Variants in WDR1 observed in about 807,000 individuals in gnomAD.
The protein encoded by WDR1 is WD repeat domain 1, also known as WD repeat-containing protein 1.
In WDR1, 21 loss-of-function variants were observed where a neutral mutation model predicts 71.9. The ratio of observed to expected loss-of-function variants is 0.29; its 90% CI spans 0.21 to 0.42. WDR1 has a LOEUF of 0.42. Among genes scored for constraint, WDR1 ranks in the 10% least tolerant of loss-of-function variants. The pLI, the probability that WDR1 is intolerant of heterozygous loss-of-function variation, is 1.00. For missense variants in WDR1, 696 were observed against 824.5 expected (o/e 0.84, Z 1.91); for synonymous variants, 424 against 347.4 (o/e 1.22, Z -2.45).
intron 6 of WDR1, 52 bp downstream of exon 6, chr4:10,088,612 G>A (rs558535212): frequency 2.8e-5 from 41 of 1,471,082 alleles, no homozygotes; most frequent in Non-Finnish European, 3.5e-5. Flanking sequence ...GAGCAGTCAC[G>A]GGAGCAGGCA....
In WDR1 at chr4:10,116,101, G is replaced by A. The variant is rs997081535; in HGVS notation, c.138+12C>T. 12 of 1,611,090 alleles carry A rather than the reference G, an allele frequency of 7.4e-6. No homozygotes were observed. Among genetic ancestry groups the A allele is most frequent in the Non-Finnish European group, 8.5e-6 (10 of 1,178,454 alleles). ...CCGGAGCAGAACCGCGCCCGGGGTAGGGGGTACTCACGTCGATGTTCCTTA... is the reference window on the plus strand; with the variant it reads ...CCGGAGCAGAACCGCGCCCGGGGTAAGGGGTACTCACGTCGATGTTCCTTA... On this transcript the variant is annotated intron_variant, in intron 2 of 14. Transcript: ENST00000499869.
At chr4:10,078,236 C>CA (rs1229740767) in intron 12 of WDR1, among the ~76,000 whole-genome samples, 1 of 152,206 alleles carries the variant, frequency 6.6e-6, no homozygotes, top group Non-Finnish European at 1.5e-5. Context: ...CACATAGACC[C>CA]ACCCAGCCCC....
At position 10,097,682 on chromosome 4, in the gene WDR1, A is replaced by G. The variant is rs768090880; in HGVS notation, c.558+29T>C. On this transcript the variant is annotated intron_variant, in intron 5 of 14. Transcript: ENST00000499869. ...CTGCTAGCCTCATGTACAAACCACA[A>G]ATTTCACCCAAAAAGTAAGTTCACT... The G allele has an allele frequency of 3.8e-6, 6 of 1,596,284 alleles. No homozygotes were observed. The Admixed American group carries it at 5.1e-5, about 14-fold the overall frequency.
In WDR1 at chr4:10,077,364, T is replaced by C. The variant is rs1560526097; in HGVS notation, c.1654A>G (p.Met552Val). The C allele has an allele frequency of 6.2e-7, 1 of 1,614,000 alleles. No individual in the cohort carries two copies. The part of the protein sequence containing the change: ...PDNEHFASGG[M>V]DMMVYVWTLS... ...GTCCAAACATACACCATCATGTCCA[T>C]GCCACCGGAGGCAAAGTGTTCATTG... Residue 552 changes from methionine to valine, a missense_variant, in exon 14 of 15, where the codon ATG becomes GTG. By Grantham distance (21) the Met-to-Val change is conservative. Transcript: ENST00000499869.
chr4:10,101,520 G>T (rs748426923), intron 3 of WDR1, among the ~76,000 whole-genome samples: 1 of 152,152 alleles, frequency 6.6e-6, no homozygotes, highest in Admixed American at 6.5e-5. Context: ...ATATGATCTC[G>T]CCCAAGAACA....
Position 10,097,816 on chromosome 4 carries a change from G to A in WDR1, c.453C>T (p.Ser151=), listed in dbSNP as rs367797658. Residue 151 remains serine, a synonymous_variant, in exon 5 of 15, where the codon AGC becomes AGT. Coordinates refer to ENST00000499869, the MANE Select transcript of WDR1 (RefSeq NM_017491.5). ...EITGHNKVIN[S]VDIKQSRPYR... ...ATGGCCGGCTCTGCTTGATGTCCAC[G>A]CTGTTGATGACTTTGTTGTGTCCTG... is the stretch of plus-strand genomic sequence containing the variant. 4.9e-5 allele frequency: 79 copies of A among 1,612,818 alleles called. No homozygotes were observed. Among genetic ancestry groups the A allele is most frequent in the Middle Eastern group, 1.7e-4 (1 of 6,052 alleles).
At chr4:10,102,807 GCT>G (rs1351166075) in intron 3 of WDR1, among the ~76,000 whole-genome samples, 1 of 152,164 alleles carries the variant, frequency 6.6e-6, no homozygotes, top group Non-Finnish European at 1.5e-5. Context: ...CTGGTGCTTA[GCT>G]CTCTCAGCAA....
intron 5 of WDR1, chr4:10,093,188 AC>A: frequency 7.8e-7 from 1 of 1,279,288 alleles, no homozygotes; most frequent in South Asian, 1.2e-5. Context: ...CAGCTCAGGA[AC>A]CCTCTGGGAG....
At position 10,075,102 on chromosome 4, in the gene WDR1, A is replaced by G. The variant is rs1382025172; in HGVS notation, c.*276T>C. The G allele has an allele frequency of 4.2e-6, 2 of 475,674 alleles. No individual in the cohort carries two copies. Among genetic ancestry groups the G allele is most frequent in the Non-Finnish European group, 7.4e-6 (2 of 269,672 alleles). The allele number at this position is 475,674 out of a possible 1,614,324, so 29.5% of individuals were successfully genotyped here. A position where few individuals can be genotyped will look rare whatever the true frequency, so the allele number is the denominator to read the frequency against. ...GGCTACTGCCTCTGGAATGTTTCGC[A>G]TTCTCAAGGTTTGGTTGGGCTGTGG... On this transcript the variant is annotated 3_prime_UTR_variant, in exon 15 of 15. Coordinates refer to ENST00000499869, the MANE Select transcript of WDR1 (RefSeq NM_017491.5).
chr4:10,108,677 C>T (rs913421191), intron 2 of WDR1, among the ~76,000 whole-genome samples: 1 of 152,234 alleles, frequency 6.6e-6, no homozygotes, highest in African/African-American at 2.4e-5. Flanking sequence ...GTGACTACAA[C>T]TAAGGCCAAG....
At chr4:10,083,501 ATTTC>A in intron 9 of WDR1, 1 of 504,702 alleles carries the variant, frequency 2.0e-6, no homozygotes, top group South Asian at 1.5e-5. Context: ...CTAACCCCAC[ATTTC>A]TTTATGTTTT....
chr4:10,082,536 T>C (rs1765060106), intron 10 of WDR1, among the ~76,000 whole-genome samples: 1 of 152,160 alleles, frequency 6.6e-6, no homozygotes, highest in Admixed American at 6.5e-5. Flanking sequence ...TGACTGCCAA[T>C]CAAAGGCCCA....
intron 8 of WDR1, among the ~76,000 whole-genome samples, chr4:10,087,216 CCA>C (rs372961444): frequency 2.0e-5 from 3 of 152,358 alleles, no homozygotes; most frequent in Non-Finnish European, 4.4e-5. Context: ...ACCCTGCCCA[CCA>C]CATTCAAACT....
At chr4:10,079,675 A>T (rs748119647) in intron 11 of WDR1, among the ~76,000 whole-genome samples, 19 of 152,268 alleles carry the variant, frequency 1.2e-4, no homozygotes, top group Non-Finnish European at 2.2e-4. Context: ...TTTTGCCTTT[A>T]TCCCAGTGTG....
At chr4:10,097,260 C>G (rs1416386889) in intron 5 of WDR1, among the ~76,000 whole-genome samples, 1 of 152,270 alleles carries the variant, frequency 6.6e-6, no homozygotes, top group South Asian at 2.1e-4. Flanking sequence ...GTCTTCTAAC[C>G]GTTTGTCACT....
chr4:10,100,455 A>G (rs1308588084), intron 3 of WDR1, among the ~76,000 whole-genome samples: 1 of 152,236 alleles, frequency 6.6e-6, no homozygotes, highest in Admixed American at 6.5e-5. Flanking sequence ...GAACGAGTCC[A>G]CGAATTAACG....
chr4:10,088,475 C>G (rs1313325163), intron 6 of WDR1, 102 bp from the exon 7 acceptor site: 2 of 1,271,272 alleles, frequency 1.6e-6, no homozygotes, highest in East Asian at 2.5e-5. Context: ...GGCTCACAGA[C>G]TAAGCTCCCA....
chr4:10,093,295 G>A, intron 5 of WDR1: 1 of 449,886 alleles, frequency 2.2e-6, no homozygotes, highest in Non-Finnish European at 3.9e-6. Context: ...TGGTAGAAGG[G>A]GACAGGCTCT....
intron 4 of WDR1, among the ~76,000 whole-genome samples, chr4:10,098,453 G>C (rs923890732): frequency 2.5e-4 from 38 of 152,122 alleles, no homozygotes; most frequent in South Asian, 2.1e-4. Flanking sequence ...TGCTGCAGGG[G>C]GGACTCTGAC....
Sources: gnomAD v4.1 joint callset for allele counts (sites outside exome capture counted in the v4.1 genomes callset) on GRCh38, gnomAD v4.1.1 for gene constraint, MANE v1.5 for transcripts, NCBI Gene and HGNC (gene_info 2026-07-23, HGNC 2026-07-21) for gene names.